The following HDAC1 variants were observed in gnomAD, a reference collection of about 807,000 sequenced individuals.
HDAC1 encodes the protein protein deacetylase HDAC1.
HDAC1 carries 18 observed loss-of-function variants against 65.5 expected under a neutral mutation model. The ratio of observed to expected loss-of-function variants is 0.27; its 90% CI spans 0.19 to 0.41. HDAC1 has a LOEUF of 0.41. HDAC1 is among the 10% of genes least tolerant of loss of function. HDAC1 has a pLI of 1.00. For missense variants in HDAC1, 373 were observed against 625.2 expected (o/e 0.60, Z 4.30); for synonymous variants, 211 against 227.9 (o/e 0.93, Z 0.67).
At chr1:32,298,336 C>T (rs551943787) in intron 1 of HDAC1, among the ~76,000 whole-genome samples, 2 of 152,104 alleles carry the variant, frequency 1.3e-5, no homozygotes, top group Admixed American at 1.3e-4. Context: ...GATCGCCTGC[C>T]TCGGCCTCCC....
rs1265574430 is a variant in HDAC1, at chr1:32,292,351, A to AG, written c.49+138dup. 2.0e-6 allele frequency: 3 copies of AG among 1,501,402 alleles called. No individual in the cohort carries two copies. In the East Asian group the frequency reaches 7.5e-5, roughly 38 times the overall value. 93.0% of individuals were successfully genotyped at this position (1,501,402 alleles called of 1,614,324 possible). On this transcript the variant is annotated intron_variant, in intron 1 of 13. Coordinates refer to ENST00000373548, the MANE Select transcript of HDAC1 (RefSeq NM_004964.3). ...GGAGAGGCTCGGAGAGGAGGCTGCG[A>AG]GGGGGAAGTCGAGGCTGAGGGAGGA...
chr1:32,314,923 G>T (rs1452804275), intron 2 of HDAC1, among the ~76,000 whole-genome samples: 1 of 151,952 alleles, frequency 6.6e-6, no homozygotes, highest in Non-Finnish European at 1.5e-5. Flanking sequence ...ATGTTTTTGT[G>T]ACAGAAATAT....
chr1:32,324,715 A>T (rs558284595), intron 4 of HDAC1, among the ~76,000 whole-genome samples, 162 bp downstream of exon 4: 1 of 152,110 alleles, frequency 6.6e-6, no homozygotes. Flanking sequence ...CACACCTGTA[A>T]TCCCAGCACT....
At chr1:32,301,252 C>T (rs944667151) in intron 1 of HDAC1, among the ~76,000 whole-genome samples, 6 of 150,096 alleles carry the variant, frequency 4.0e-5, no homozygotes, top group African/African-American at 1.5e-4. Context: ...CAAGACCATC[C>T]TGGCTAACAC....
At position 32,331,411 on chromosome 1, in the gene HDAC1, C is replaced by CGTGCAAATGGTTA; in HGVS notation, c.980-61_980-49dup. 3 of 917,146 alleles carry CGTGCAAATGGTTA rather than the reference C, an allele frequency of 3.3e-6. No homozygotes were observed. Among genetic ancestry groups the CGTGCAAATGGTTA allele is most frequent in the Non-Finnish European group, 5.5e-6 (3 of 549,456 alleles). The allele number at this position is 917,146 out of a possible 1,614,324, so 56.8% of individuals were successfully genotyped here. A position where few individuals can be genotyped will look rare whatever the true frequency, so the allele number is the denominator to read the frequency against. On this transcript the variant is annotated intron_variant, in intron 9 of 13. Coordinates refer to ENST00000373548, the MANE Select transcript of HDAC1 (RefSeq NM_004964.3). The surrounding 1 kb of genome is among the most constrained non-coding windows in gnomAD (Gnocchi z 4.2). Reference sequence around the variant, plus strand: ...ACCTACAAATGCTTTAGGGTGCTTACGTGCAAATGGTTAGGGTGCGGTGGC... The same window carrying CGTGCAAATGGTTA: ...ACCTACAAATGCTTTAGGGTGCTTACGTGCAAATGGTTAGTGCAAATGGTTAGGGTGCGGTGGC...
At chr1:32,304,645 C>T (rs1014443096) in intron 2 of HDAC1, among the ~76,000 whole-genome samples, 1 of 152,108 alleles carries the variant, frequency 6.6e-6, no homozygotes, top group Non-Finnish European at 1.5e-5. Flanking sequence ...TCTTGGCTCA[C>T]TGCAACCTCT....
intron 3 of HDAC1, among the ~76,000 whole-genome samples, chr1:32,323,647 C>T (rs1379041348): frequency 1.3e-5 from 2 of 152,154 alleles, no homozygotes; most frequent in Non-Finnish European, 2.9e-5. Context: ...GTCCTCCTGC[C>T]TTAGCCTCCC....
chr1:32,315,649 G>A (rs1053151850), intron 2 of HDAC1, among the ~76,000 whole-genome samples: 2 of 150,370 alleles, frequency 1.3e-5, no homozygotes, highest in South Asian at 2.1e-4. Flanking sequence ...CACTGCACTC[G>A]GCCAGTTTTA....
Position 32,332,689 on chromosome 1 carries a change from C to CT in HDAC1, c.1373-10dup. On this transcript the variant is annotated splice_polypyrimidine_tract_variant and intron_variant, in intron 12 of 13. Transcript: ENST00000373548. ...TGCTGCCCTTGGCCATCCCTGTACT[C>CT]TTGTGTTCTAGAAGTCACCGAAGAG... The CT allele has an allele frequency of 6.4e-7, 1 of 1,552,964 alleles. No individual in the cohort carries two copies. The highest frequency in any genetic ancestry group is 8.7e-7 in the Non-Finnish European group (1 of 1,147,256).
intron 2 of HDAC1, among the ~76,000 whole-genome samples, chr1:32,314,172 C>A (rs773601255): frequency 1.3e-5 from 2 of 152,126 alleles, no homozygotes; most frequent in Non-Finnish European, 2.9e-5. Context: ...CTCACTGATT[C>A]ACCAAAAATT....
At chr1:32,322,251 G>C (rs948018235) in intron 3 of HDAC1, among the ~76,000 whole-genome samples, 4 of 151,706 alleles carry the variant, frequency 2.6e-5, no homozygotes, top group African/African-American at 9.7e-5. Flanking sequence ...ACTTCCTGTA[G>C]CTCATTGATG....
At chr1:32,316,255 G>A (rs1053214029) in intron 2 of HDAC1, among the ~76,000 whole-genome samples, 4 of 149,892 alleles carry the variant, frequency 2.7e-5, no homozygotes, top group African/African-American at 1.0e-4. Context: ...CTGCACTCTA[G>A]CCTGGGAGAC....
chr1:32,295,744 C>T (rs1336508854), intron 1 of HDAC1, among the ~76,000 whole-genome samples: 1 of 152,086 alleles, frequency 6.6e-6, no homozygotes, highest in African/African-American at 2.4e-5. Flanking sequence ...CCATAACAAT[C>T]AGCATATGGA....
chr1:32,316,283 C>CAAAAAAAAAAAAAAAAAAAAAAAAAA (rs879826419), intron 2 of HDAC1, among the ~76,000 whole-genome samples: 1 of 139,392 alleles, frequency 7.2e-6, no homozygotes, highest in African/African-American at 2.9e-5. Flanking sequence ...GACTCCGTCT[C>CAAAAAAAAAAAAAAAAAAAAAAAAAA]AAAAAAAAAA....
intron 2 of HDAC1, among the ~76,000 whole-genome samples, chr1:32,308,729 A>G (rs1640946265): frequency 6.6e-6 from 1 of 152,074 alleles, no homozygotes; most frequent in African/African-American, 2.4e-5. Flanking sequence ...CGTGTTAGTC[A>G]GGATGGTCTC....
At chr1:32,308,335 T>C (rs530579451) in intron 2 of HDAC1, among the ~76,000 whole-genome samples, 9 of 152,048 alleles carry the variant, frequency 5.9e-5, no homozygotes, top group Non-Finnish European at 1.3e-4. Context: ...AAAGAATATT[T>C]ACTTCGTCAA....
chr1:32,317,032 G>A (rs965460094), intron 3 of HDAC1, among the ~76,000 whole-genome samples: 6 of 152,126 alleles, frequency 3.9e-5, no homozygotes, highest in African/African-American at 1.4e-4. Flanking sequence ...AATTATTGTA[G>A]TGGAAAAAGC....
intron 1 of HDAC1, among the ~76,000 whole-genome samples, chr1:32,293,077 T>C (rs1245016564): frequency 6.6e-6 from 1 of 152,084 alleles, no homozygotes; most frequent in East Asian, 1.9e-4. Context: ...TCCCAGCACT[T>C]TGGGAGGCCG....
rs145804489 is a variant in HDAC1 at position 32,316,709 on chromosome 1, C to T, written c.207C>T (p.Ser69=). The change falls in exon 3 of 14, where the codon AGC becomes AGT. Residue 69 remains serine (S), a synonymous_variant. Coordinates refer to ENST00000373548, the MANE Select transcript of HDAC1 (RefSeq NM_004964.3). ...CTGAGGAGATGACCAAGTACCACAG[C>T]GATGACTACATTAAATTCTTGCGCT... ...ANAEEMTKYH[S]DDYIKFLRSI... 6.2e-6 allele frequency: 10 copies of T among 1,613,980 alleles called. No individual in the cohort carries two copies. In the African/African-American group the frequency reaches 8.0e-5, roughly 13 times the overall value.
Sources: allele counts gnomAD v4.1 joint callset (sites outside exome capture counted in the v4.1 genomes callset), GRCh38; gene constraint gnomAD v4.1.1; non-coding constraint Gnocchi (gnomAD v3.1); transcripts MANE v1.5; gene names NCBI Gene and HGNC (gene_info 2026-07-23, HGNC 2026-07-21).